EIF4B: variants seen among roughly 807,000 people sequenced by gnomAD.
EIF4B encodes eukaryotic translation initiation factor 4B.
Under a neutral mutation model 79.3 loss-of-function variants are expected in EIF4B, and 8 were observed. That is an observed-to-expected ratio of 0.10 (90% CI 0.06 to 0.18). The LOEUF (loss-of-function observed/expected upper bound fraction) is 0.18. EIF4B is among the 10% of genes least tolerant of loss of function. The pLI is 1.00. For synonymous variants in EIF4B, 238 were observed against 274.7 expected (o/e 0.87, Z 1.32); for missense variants, 515 against 792.4 (o/e 0.65, Z 4.20).
intron 8 of EIF4B, among the ~76,000 whole-genome samples, chr12:53,031,307 ACT>A (rs970140542): frequency 1.3e-5 from 2 of 152,098 alleles, no homozygotes; most frequent in African/African-American, 2.4e-5. Context: ...ACAGGATCTC[ACT>A]CTGTCGCCCA....
intron 3 of EIF4B, among the ~76,000 whole-genome samples, chr12:53,019,663 G>T (rs1360837886): frequency 7.7e-6 from 1 of 129,718 alleles, no homozygotes; most frequent in African/African-American, 2.7e-5. Flanking sequence ...ACTGCACCTG[G>T]CCTGAATTAA....
Position 53,037,632 on chromosome 12 carries a change from T to C in EIF4B, c.1520+10T>C. The stretch of plus-strand genomic sequence containing the variant: ...AGCAGTCCCCTACAAGGTGAGTCAG[T>C]TTGGAAACAGTAGTTGGTTAACTGC... On this transcript the variant is annotated intron_variant, in intron 11 of 14. Transcript: ENST00000262056. The C allele has an allele frequency of 6.2e-7, 1 of 1,613,456 alleles. No homozygotes were observed. Among genetic ancestry groups the C allele is most frequent in the Non-Finnish European group, 8.5e-7 (1 of 1,179,594 alleles).
chr12:53,027,950 C>T, intron 7 of EIF4B, 31 bp downstream of exon 7: 2 of 1,570,770 alleles, frequency 1.3e-6, no homozygotes, highest in South Asian at 1.1e-5. Flanking sequence ...ATTGCTCTTT[C>T]AGTAACTTTG....
intron 3 of EIF4B, among the ~76,000 whole-genome samples, chr12:53,019,435 A>ATTTTTTTC (rs759250282): frequency 5.1e-5 from 2 of 39,452 alleles, no homozygotes; most frequent in Non-Finnish European, 1.2e-4. Flanking sequence ...ATATATATAT[A>ATTTTTTTC]TATTTTTTTT....
intron 12 of EIF4B, chr12:53,039,010 G>A (rs889684506): frequency 4.8e-5 from 20 of 417,350 alleles, no homozygotes; most frequent in African/African-American, 3.5e-4. Context: ...TTTTCATGAT[G>A]GCATATCCCT....
At chr12:53,027,677 AAAATTTAAAT>A (rs1943359961) in intron 6 of EIF4B, 95 bp from the exon 7 acceptor site, 3 of 1,446,258 alleles carry the variant, frequency 2.1e-6, no homozygotes, top group Non-Finnish European at 9.2e-7. Flanking sequence ...AATCAGATAG[AAAATTTAAAT>A]AAACAGATTC....
At chr12:53,037,377 G>C in intron 10 of EIF4B, 32 bp from the exon 11 acceptor site, 4 of 1,597,410 alleles carry the variant, frequency 2.5e-6, no homozygotes, top group Non-Finnish European at 3.4e-6. Context: ...TCTGCAGCCT[G>C]ATAATTTGAT....
intron 6 of EIF4B, among the ~76,000 whole-genome samples, 176 bp from the exon 7 acceptor site, chr12:53,027,606 C>T (rs552205990): frequency 7.6e-4 from 116 of 152,290 alleles, no homozygotes; most frequent in Non-Finnish European, 1.4e-3. Context: ...TAATTTCCAA[C>T]CCACCCTTCC....
intron 6 of EIF4B, among the ~76,000 whole-genome samples, chr12:53,023,993 C>T (rs113492042): frequency 5.8e-4 from 88 of 152,218 alleles, no homozygotes; most frequent in African/African-American, 2.0e-3. Flanking sequence ...AATTGATTCA[C>T]TTAAATGCTC....
chr12:53,023,541 A>G (rs1333842412), intron 6 of EIF4B, among the ~76,000 whole-genome samples: 3 of 141,650 alleles, frequency 2.1e-5, no homozygotes, highest in African/African-American at 8.0e-5. Flanking sequence ...CATCAGTTGC[A>G]TTACTATATG....
Position 53,034,023 on chromosome 12 carries a change from G to C in EIF4B, c.1197G>C (p.Arg399=). 2 of 1,610,954 alleles carry C rather than the reference G, an allele frequency of 1.2e-6. No homozygotes were observed. Among genetic ancestry groups the C allele is most frequent in the Non-Finnish European group, 1.7e-6 (2 of 1,178,374 alleles). ...RQLDEPKLER[R]PRERHPSWRS... ...TGGATGAGCCAAAACTAGAACGACG[G>C]CCTCGGGAGAGGTGTGTTGTCTTGA... Residue 399 remains arginine (R), a synonymous_variant, in exon 9 of 15, where the codon CGG becomes CGC. Coordinates refer to ENST00000262056, the MANE Select transcript of EIF4B (RefSeq NM_001417.7).
chr12:53,016,659 C>CAAAACCTATTACA, intron 2 of EIF4B, 49 bp downstream of exon 2: 1 of 1,525,036 alleles, frequency 6.6e-7, no homozygotes, highest in South Asian at 1.3e-5. Context: ...ATTTTCTAGA[C>CAAAACCTATTACA]AAAACCTATT....
intron 1 of EIF4B, among the ~76,000 whole-genome samples, chr12:53,016,099 C>CT: frequency 6.6e-6 from 1 of 151,908 alleles, no homozygotes; most frequent in East Asian, 1.9e-4. Flanking sequence ...TTTTATTGAT[C>CT]TTTTTTATCC....
intron 1 of EIF4B, among the ~76,000 whole-genome samples, chr12:53,011,701 A>G (rs1943065843): frequency 6.6e-6 from 1 of 152,248 alleles, no homozygotes; most frequent in South Asian, 2.1e-4. Context: ...TTATTAAGAA[A>G]ACCATGAATG....
intron 8 of EIF4B, among the ~76,000 whole-genome samples, chr12:53,028,417 T>C (rs1943377829): frequency 6.6e-6 from 1 of 151,910 alleles, no homozygotes; most frequent in African/African-American, 2.4e-5. Flanking sequence ...CTACCAGGTG[T>C]GGTGGCAGAC....
At chr12:53,019,131 G>C (rs560822918) in intron 3 of EIF4B, 125 bp downstream of exon 3, 518 of 1,167,498 alleles carry the variant, frequency 4.4e-4, no homozygotes, top group Non-Finnish European at 6.0e-4. Flanking sequence ...GGGAATGGTG[G>C]CTCACGCCTG....
At chr12:53,010,491 T>C (rs1943046043) in intron 1 of EIF4B, among the ~76,000 whole-genome samples, 1 of 152,206 alleles carries the variant, frequency 6.6e-6, no homozygotes, top group South Asian at 2.1e-4. Context: ...TGAAATATTG[T>C]ATTACATTGC....
chr12:53,016,464 T>C lies in EIF4B; in HGVS notation c.14-9T>C, dbSNP rs1565584954. 2.5e-6 allele frequency: 4 copies of C among 1,612,116 alleles called. No individual in the cohort carries two copies. In the East Asian group the frequency reaches 8.9e-5, roughly 36 times the overall value. ...TGGTGAATAATCTTTCTCTTGCCTTTTAAAACAGCAAAAAAGAAGAATAAG... is the reference window on the plus strand; with the variant it reads ...TGGTGAATAATCTTTCTCTTGCCTTCTAAAACAGCAAAAAAGAAGAATAAG... On this transcript the variant is annotated splice_polypyrimidine_tract_variant and intron_variant, in intron 1 of 14. Transcript: ENST00000262056.
chr12:53,028,710 T>C (rs1432010558), intron 8 of EIF4B, among the ~76,000 whole-genome samples: 1 of 152,168 alleles, frequency 6.6e-6, no homozygotes, highest in East Asian at 1.9e-4. Flanking sequence ...GATACTGTTA[T>C]GTTGTGATCT....
Sources: gnomAD v4.1 joint callset for allele counts (sites outside exome capture counted in the v4.1 genomes callset) on GRCh38, gnomAD v4.1.1 for gene constraint, MANE v1.5 for transcripts, NCBI Gene and HGNC (gene_info 2026-07-23, HGNC 2026-07-21) for gene names.